RHEBL1: variants seen among roughly 807,000 people sequenced by gnomAD.
RHEBL1 encodes RHEB like 1, also known as GTPase RhebL1.
In RHEBL1, 22 loss-of-function variants were observed where a neutral mutation model predicts 27.4. The ratio of observed to expected loss-of-function variants is 0.80; its 90% CI spans 0.57 to 1.15. The LOEUF is 1.15. Ranked by LOEUF, RHEBL1 falls within the 50% of genes most tolerant of loss-of-function variation. RHEBL1 has a pLI of 0.00. For missense variants in RHEBL1, 186 were observed against 226.5 expected, an observed-to-expected ratio of 0.82 and a Z score of 1.15; for synonymous variants, 85 against 80.8, an observed-to-expected ratio of 1.05 and a Z score of -0.28.
chr12:49,068,178 A>G (rs1445288031), intron 2 of RHEBL1, among the ~76,000 whole-genome samples: 1 of 148,400 alleles, frequency 6.7e-6, no homozygotes, highest in Non-Finnish European at 1.5e-5. Flanking sequence ...TGCCCAGGCT[A>G]GAGCGCAGTG....
chr12:49,068,758 G>A (rs1939039287), intron 2 of RHEBL1, among the ~76,000 whole-genome samples: 1 of 152,136 alleles, frequency 6.6e-6, no homozygotes, highest in Non-Finnish European at 1.5e-5. Flanking sequence ...CTTAACCTTG[G>A]GGGTGACACA....
rs779552136 is a variant in RHEBL1, at chr12:49,065,406, T to C, written c.406A>G (p.Lys136Glu). Residue 136 changes from lysine (K) to glutamate (E), a missense_variant, in exon 7 of 8, where the codon AAG becomes GAG. Around this residue, in one of 3 missense-constraint regions of RHEBL1, gnomAD observed 90 missense variants for 95.2 expected, o/e 0.95. Coordinates refer to ENST00000301068, the MANE Select transcript of RHEBL1 (RefSeq NM_144593.3). ...EREVQAVEGK[K>E]LAESWGATFM... ...GTCGCACCCCAGGACTCTGCCAGCT[T>C]CTTTCCTTCAACTGCCTGTACCTCT... 6.2e-7 allele frequency: 1 copy of C among 1,614,198 alleles called. No individual in the cohort carries two copies. The highest frequency in any genetic ancestry group is 8.5e-7 in the Non-Finnish European group (1 of 1,180,028).
chr12:49,069,609 A>G lies in RHEBL1; in HGVS notation c.52+125T>C, dbSNP rs574373629. The G allele has an allele frequency of 6.3e-5, 54 of 855,248 alleles. No individual in the cohort carries two copies. In the African/African-American group the frequency reaches 8.7e-4, roughly 14 times the overall value. The allele number at this position is 855,248 out of a possible 1,614,324, so 53.0% of individuals were successfully genotyped here. ...ACTCTTCCATTCCTCCACTCTTCCA[A>G]TCCTCGCTCTACAACCCCATCCTTA... On this transcript the variant is annotated intron_variant, in intron 1 of 7. Coordinates refer to ENST00000301068, the MANE Select transcript of RHEBL1 (RefSeq NM_144593.3).
rs1938971945 is a variant in RHEBL1, at chr12:49,065,013, C to T, written c.*90G>A. ...AGGGGCCAGGAACACAGCTGGCAAC[C>T]ATACCCGTGAAGTCCTGAGGATCTG... On this transcript the variant is annotated 3_prime_UTR_variant, in exon 8 of 8. Transcript: ENST00000301068. The T allele has an allele frequency of 1.1e-6, 1 of 926,542 alleles. No individual in the cohort carries two copies. The highest frequency in any genetic ancestry group is 1.6e-5 in the African/African-American group (1 of 61,900). The allele number at this position is 926,542 out of a possible 1,614,324, so 57.4% of individuals were successfully genotyped here.
rs759749636 is a variant in RHEBL1, at chr12:49,065,358, C to T, written c.454G>A (p.Glu152Lys). The change falls in exon 7 of 8, where the codon GAG becomes AAG. Residue 152 changes from glutamate (E) to lysine (K), a missense_variant. Physicochemically the swap from Glu to Lys is moderately conservative, Grantham distance 56. Coordinates refer to ENST00000301068, the MANE Select transcript of RHEBL1 (RefSeq NM_144593.3). ...GATFMESSARENQLTQGIFTK... is the reference protein window; with the variant it reads ...GATFMESSARKNQLTQGIFTK... ...GTCTTCAGGCCCAGCACCTGATTCTCTCGAGCAGATGACTCCATAAATGTC... is the reference window on the plus strand; with the variant it reads ...GTCTTCAGGCCCAGCACCTGATTCTTTCGAGCAGATGACTCCATAAATGTC... The T allele has an allele frequency of 1.9e-6, 3 of 1,614,124 alleles. 1 individual carries two copies. The highest frequency in any genetic ancestry group is 3.3e-5 in the Admixed American group (2 of 60,034).
intron 1 of RHEBL1, chr12:49,069,308 A>C: frequency 1.2e-6 from 1 of 821,514 alleles, no homozygotes; most frequent in Non-Finnish European, 1.9e-6. Context: ...GGATGCATTC[A>C]GAAGCGCAGC....
intron 2 of RHEBL1, among the ~76,000 whole-genome samples, chr12:49,068,655 C>G (rs188142698): frequency 5.3e-5 from 8 of 152,030 alleles, no homozygotes; most frequent in Admixed American, 5.2e-4. Flanking sequence ...AGGTTGGTCT[C>G]GAAATCCAGA....
Position 49,064,896 on chromosome 12 carries a change from T to C in RHEBL1, c.*207A>G. 1 of 584,334 alleles carries C rather than the reference T, an allele frequency of 1.7e-6. No homozygotes were observed. The highest frequency in any genetic ancestry group is 3.1e-6 in the Non-Finnish European group (1 of 326,184). 36.2% of individuals were successfully genotyped at this position (584,334 alleles called of 1,614,324 possible). A position where few individuals can be genotyped will look rare whatever the true frequency, so the allele number is the denominator to read the frequency against. ...ACAGAGGGCTAGAGGCCAGTGTCCA[T>C]GAGAGGTCCTTGCCCCTTTGTAAAC... On this transcript the variant is annotated 3_prime_UTR_variant, in exon 8 of 8. Transcript: ENST00000301068.
At position 49,066,651 on chromosome 12, in the gene RHEBL1, A is replaced by G. The variant is rs1247449091; in HGVS notation, c.243T>C (p.Tyr81=). 6.2e-7 allele frequency: 1 copy of G among 1,614,208 alleles called. No individual in the cohort carries two copies. The highest frequency in any genetic ancestry group is 8.5e-7 in the Non-Finnish European group (1 of 1,180,014). The change falls in exon 4 of 8, where the codon TAT becomes TAC. Residue 81 remains tyrosine (Y), a synonymous_variant. Coordinates refer to ENST00000301068, the MANE Select transcript of RHEBL1 (RefSeq NM_144593.3). ...PYSFIIGVHG[Y]VLVYSVTSLH... ...GAGAGGTGACAGAATACACAAGCAC[A>G]TAACCATGGACCCCAATGATGAATG...
At position 49,066,907 on chromosome 12, in the gene RHEBL1, T is replaced by C. The variant is rs774086446; in HGVS notation, c.192+61A>G. The C allele has an allele frequency of 2.2e-6, 3 of 1,371,840 alleles. No individual in the cohort carries two copies. In the African/African-American group the frequency reaches 4.3e-5, roughly 20 times the overall value. 85.0% of individuals were successfully genotyped at this position (1,371,840 alleles called of 1,614,324 possible). On this transcript the variant is annotated intron_variant, in intron 3 of 7. Coordinates refer to ENST00000301068, the MANE Select transcript of RHEBL1 (RefSeq NM_144593.3). ...TACTTTACGGATGAGCCACAAAGACTACCAGACTTCATCTCCGAGGGCTGA... is the reference window on the plus strand; with the variant it reads ...TACTTTACGGATGAGCCACAAAGACCACCAGACTTCATCTCCGAGGGCTGA...
At chr12:49,066,382 A>G in intron 5 of RHEBL1, 94 bp downstream of exon 5, 5 of 1,540,670 alleles carry the variant, frequency 3.2e-6, no homozygotes, top group Non-Finnish European at 3.6e-6. Flanking sequence ...CAGGATCTAT[A>G]TCCGAGCCTC....
chr12:49,069,066 G>A lies in RHEBL1; in HGVS notation c.93C>T (p.Phe31=). 1 of 1,614,154 alleles carries A rather than the reference G, an allele frequency of 6.2e-7. No homozygotes were observed. Among genetic ancestry groups the A allele is most frequent in the Non-Finnish European group, 8.5e-7 (1 of 1,180,018 alleles). ...CCACTGTAGGATCGTAGCCTTCCGA[G>A]AACTCGCCTTCCACAAATTGATGTG... is the stretch of plus-strand genomic sequence containing the variant. ...SLAHQFVEGE[F]SEGYDPTVEN... is the part of the protein sequence containing the mutation. The change falls in exon 2 of 8, where the codon TTC becomes TTT. Residue 31 remains phenylalanine, a synonymous_variant. Coordinates refer to ENST00000301068, the MANE Select transcript of RHEBL1 (RefSeq NM_144593.3).
At position 49,069,806 on chromosome 12, in the gene RHEBL1, G is replaced by A; in HGVS notation, c.-21C>T. Reference sequence around the variant, plus strand: ...GGCATGGCAGGAGCCCGCCCCAGGGGCTTGCGGAACTGCGGGCTCAGAGAG... The same window carrying A: ...GGCATGGCAGGAGCCCGCCCCAGGGACTTGCGGAACTGCGGGCTCAGAGAG... On this transcript the variant is annotated 5_prime_UTR_variant, in exon 1 of 8. Coordinates refer to ENST00000301068, the MANE Select transcript of RHEBL1 (RefSeq NM_144593.3). The A allele has an allele frequency of 1.2e-6, 2 of 1,612,526 alleles. No homozygotes were observed. Among genetic ancestry groups the A allele is most frequent in the Non-Finnish European group, 1.7e-6 (2 of 1,179,070 alleles).
In RHEBL1 at chr12:49,069,926, A is replaced by G; in HGVS notation, c.-141T>C. 1 of 705,748 alleles carries G rather than the reference A, an allele frequency of 1.4e-6. No homozygotes were observed. The highest frequency in any genetic ancestry group is 2.5e-6 in the Non-Finnish European group (1 of 404,110). 43.7% of individuals were successfully genotyped at this position (705,748 alleles called of 1,614,324 possible). On this transcript the variant is annotated 5_prime_UTR_variant, in exon 1 of 8. Coordinates refer to ENST00000301068, the MANE Select transcript of RHEBL1 (RefSeq NM_144593.3). ...CCGTGGGCAAGTTAGAAGGAAACCA[A>G]AACAAGCGCCGCGCCCGGAGCTGCC... is the stretch of plus-strand genomic sequence containing the variant.
At chr12:49,068,498 C>T (rs538418612) in intron 2 of RHEBL1, among the ~76,000 whole-genome samples, 284 of 145,710 alleles carry the variant, frequency 1.9e-3, no homozygotes, top group Non-Finnish European at 3.1e-3. Flanking sequence ...TGCAGTGGCA[C>T]GACCTTGGCT....
chr12:49,065,560 C>G (rs533179229), intron 6 of RHEBL1, 129 bp from the exon 7 acceptor site: 1 of 723,040 alleles, frequency 1.4e-6, no homozygotes, highest in African/African-American at 1.7e-5. Context: ...TTTGGGAGGC[C>G]GAGGTGGTGG....
chr12:49,067,098 A>AAT, intron 2 of RHEBL1, 63 bp from the exon 3 acceptor site: 8 of 855,758 alleles, frequency 9.3e-6, no homozygotes, highest in Non-Finnish European at 1.4e-5. Flanking sequence ...ATGTCCCCTG[A>AAT]CTTTTTTTTT....
chr12:49,069,797 G>T lies in RHEBL1; in HGVS notation c.-12C>A. On this transcript the variant is annotated 5_prime_UTR_variant, in exon 1 of 8. Coordinates refer to ENST00000301068, the MANE Select transcript of RHEBL1 (RefSeq NM_144593.3). Reference sequence around the variant, plus strand: ...CGGACTAGCGGCATGGCAGGAGCCCGCCCCAGGGGCTTGCGGAACTGCGGG... The same window carrying T: ...CGGACTAGCGGCATGGCAGGAGCCCTCCCCAGGGGCTTGCGGAACTGCGGG... The T allele has an allele frequency of 6.2e-7, 1 of 1,613,186 alleles. No homozygotes were observed. The highest frequency in any genetic ancestry group is 1.3e-5 in the African/African-American group (1 of 75,038).
At chr12:49,067,086 G>A in intron 2 of RHEBL1, 51 bp from the exon 3 acceptor site, 4 of 1,004,472 alleles carry the variant, frequency 4.0e-6, no homozygotes, top group Non-Finnish European at 6.0e-6. Flanking sequence ...GACCAGCGAT[G>A]TATGTCCCCT....
Sources: gnomAD v4.1 joint callset for allele counts (sites outside exome capture counted in the v4.1 genomes callset) on GRCh38, gnomAD v4.1.1 for gene constraint, gnomAD v4.1.1 regional missense constraint, MANE v1.5 for transcripts, NCBI Gene and HGNC (gene_info 2026-07-23, HGNC 2026-07-21) for gene names.